The following ERBB4 variants were observed in gnomAD, a reference collection of about 807,000 sequenced individuals.
ERBB4 encodes the protein receptor tyrosine-protein kinase erbB-4.
In ERBB4, 42 loss-of-function variants were observed where a neutral mutation model predicts 158.0. The observed-to-expected ratio is 0.27, with a 90% CI of 0.21 to 0.34. The LOEUF (loss-of-function observed/expected upper bound fraction) is 0.34, where lower values mean the gene tolerates loss of function less well. Among genes scored for constraint, ERBB4 ranks in the 10% least tolerant of loss-of-function variants. ERBB4 has a pLI of 1.00. For missense variants in ERBB4, 1,333 were observed against 1,624.1 expected (o/e 0.82, Z 3.08); for synonymous variants, 583 against 558.7 (o/e 1.04, Z -0.61).
intron 3 of ERBB4, among the ~76,000 whole-genome samples, chr2:211,944,204 A>ATATATAG (rs1559155281): frequency 3.6e-5 from 1 of 28,160 alleles, no homozygotes; most frequent in East Asian, 1.1e-3. Context: ...TATATACTAT[A>ATATATAG]TATATATATA....
In ERBB4 at chr2:211,561,882, T is replaced by G. The variant is rs776838458; in HGVS notation, c.2487+21A>C. ...TATTAACCTAAAAATGTAATTTCCA[T>G]AGAAATTGACAGGCACTTACCTTAG... is the stretch of plus-strand genomic sequence containing the variant. On this transcript the variant is annotated intron_variant, in intron 20 of 27. Transcript: ENST00000342788. 3.7e-6 allele frequency: 6 copies of G among 1,607,052 alleles called. No homozygotes were observed. The South Asian group carries it at 6.6e-5, about 18-fold the overall frequency.
At chr2:211,861,481 A>G (rs2078054394) in intron 3 of ERBB4, among the ~76,000 whole-genome samples, 1 of 151,138 alleles carries the variant, frequency 6.6e-6, no homozygotes, top group Non-Finnish European at 1.5e-5. Flanking sequence ...AGGATTACAG[A>G]CACGAGTCAC....
At chr2:211,766,068 T>C (rs1485180894) in intron 4 of ERBB4, among the ~76,000 whole-genome samples, 1 of 152,244 alleles carries the variant, frequency 6.6e-6, no homozygotes, top group African/African-American at 2.4e-5. Flanking sequence ...TTCTTTTATG[T>C]ATTTCTCTTA....
chr2:211,576,424 C>T (rs2067895684), intron 19 of ERBB4, among the ~76,000 whole-genome samples: 1 of 152,154 alleles, frequency 6.6e-6, no homozygotes, highest in Non-Finnish European at 1.5e-5. Context: ...TCCATAATGC[C>T]TGCCCTAGGA....
At chr2:211,971,830 T>C (rs954769636) in intron 2 of ERBB4, among the ~76,000 whole-genome samples, 5 of 152,030 alleles carry the variant, frequency 3.3e-5, no homozygotes, top group Admixed American at 2.0e-4. Flanking sequence ...ATAGAAGCAA[T>C]AGCTGGAAGC....
At chr2:211,714,558 T>C (rs990054378) in intron 7 of ERBB4, among the ~76,000 whole-genome samples, 4 of 152,216 alleles carry the variant, frequency 2.6e-5, no homozygotes, top group Admixed American at 6.5e-5. Context: ...TGGGAAAATA[T>C]GCCATGTAGA....
At chr2:211,665,237 G>GTA in intron 15 of ERBB4, 86 bp downstream of exon 15, 2 of 1,275,616 alleles carry the variant, frequency 1.6e-6, no homozygotes, top group Non-Finnish European at 2.3e-6. Context: ...TATGAGAATG[G>GTA]TATACATTTC....
At chr2:211,640,447 G>C (rs1432232926) in intron 16 of ERBB4, among the ~76,000 whole-genome samples, 1 of 152,046 alleles carries the variant, frequency 6.6e-6, no homozygotes, top group Non-Finnish European at 1.5e-5. Flanking sequence ...TTTCTTGCAG[G>C]ATTAATGAAC....
intron 1 of ERBB4, among the ~76,000 whole-genome samples, chr2:212,337,092 C>T (rs917548962): frequency 2.0e-5 from 3 of 151,996 alleles, no homozygotes; most frequent in South Asian, 2.1e-4. Flanking sequence ...ATTGTGAATA[C>T]ATTTATTATC....
At chr2:212,486,953 A>C (rs895508976) in intron 1 of ERBB4, among the ~76,000 whole-genome samples, 3 of 152,180 alleles carry the variant, frequency 2.0e-5, no homozygotes, top group Non-Finnish European at 4.4e-5. Context: ...TTAAAACACA[A>C]GATCTTAAAA....
At chr2:211,558,340 C>T (rs769926992) in intron 20 of ERBB4, among the ~76,000 whole-genome samples, 44 of 152,162 alleles carry the variant, frequency 2.9e-4, no homozygotes, top group Admixed American at 8.5e-4. Context: ...CAGCTCTGAT[C>T]TGTTCTTATG....
chr2:211,437,787 T>C (rs945833253), intron 20 of ERBB4, among the ~76,000 whole-genome samples: 1 of 152,162 alleles, frequency 6.6e-6, no homozygotes, highest in Admixed American at 6.5e-5. Context: ...ACCTGAAGCT[T>C]TCGTAATAAC....
At chr2:212,051,097 G>A (rs2077387096) in intron 2 of ERBB4, among the ~76,000 whole-genome samples, 1 of 152,062 alleles carries the variant, frequency 6.6e-6, no homozygotes, top group Non-Finnish European at 1.5e-5. Flanking sequence ...CCCCAATTCT[G>A]CAGACATGTT....
At chr2:211,653,472 C>T (rs2071083797) in intron 16 of ERBB4, among the ~76,000 whole-genome samples, 1 of 112,072 alleles carries the variant, frequency 8.9e-6, no homozygotes, top group Non-Finnish European at 1.9e-5. Context: ...CCGCCCCCCG[C>T]ACCCGCCCCC....
At chr2:212,488,329 C>CTCTT (rs1560463058) in intron 1 of ERBB4, among the ~76,000 whole-genome samples, 1 of 151,326 alleles carries the variant, frequency 6.6e-6, no homozygotes, top group South Asian at 2.1e-4. Flanking sequence ...CTCTCTCTCT[C>CTCTT]TCTCTCTCTC....
At chr2:211,413,305 T>TAAA (rs768289370) in intron 25 of ERBB4, among the ~76,000 whole-genome samples, 16 of 56,946 alleles carry the variant, frequency 2.8e-4, no homozygotes, top group African/African-American at 1.2e-3. Context: ...GACCCTGTCT[T>TAAA]AAAAACACAC....
intron 5 of ERBB4, among the ~76,000 whole-genome samples, chr2:211,732,783 T>C (rs1405904573): frequency 6.6e-6 from 1 of 151,834 alleles, no homozygotes; most frequent in Non-Finnish European, 1.5e-5. Flanking sequence ...TGAAACCCCA[T>C]CTCTACTAAA....
At chr2:211,513,328 G>A (rs1156417451) in intron 20 of ERBB4, among the ~76,000 whole-genome samples, 6 of 134,588 alleles carry the variant, frequency 4.5e-5, no homozygotes, top group African/African-American at 8.3e-5. Flanking sequence ...TCCGCAGTCC[G>A]GCCTGGGCGA....
intron 12 of ERBB4, among the ~76,000 whole-genome samples, chr2:211,700,616 A>G (rs1293108952): frequency 6.6e-6 from 1 of 152,208 alleles, no homozygotes; most frequent in Non-Finnish European, 1.5e-5. Flanking sequence ...TGGGGTCTTA[A>G]TAAATCAATT....
Sources: gnomAD v4.1 joint callset for allele counts (sites outside exome capture counted in the v4.1 genomes callset) on GRCh38, gnomAD v4.1.1 for gene constraint, MANE v1.5 for transcripts, NCBI Gene and HGNC (gene_info 2026-07-23, HGNC 2026-07-21) for gene names.